Variants in TTC4 observed in about 807,000 individuals in gnomAD.
TTC4 encodes tetratricopeptide repeat domain 4.
Under a neutral mutation model 51.9 loss-of-function variants are expected in TTC4, and 36 were observed. That is an observed-to-expected ratio of 0.69 (90% confidence interval 0.53 to 0.92). TTC4 has a LOEUF of 0.92. Ranked by LOEUF, TTC4 falls within the 40% of genes least tolerant of loss-of-function variation. TTC4 has a pLI of 0.00. For missense variants in TTC4, 399 were observed against 454.6 expected, an observed-to-expected ratio of 0.88 and a Z score of 1.11; for synonymous variants, 144 against 164.2, an observed-to-expected ratio of 0.88 and a Z score of 0.94.
intron 5 of TTC4, 44 bp from the exon 6 acceptor site, chr1:54,728,302 G>GAA (rs1172240944): frequency 6.4e-7 from 1 of 1,568,370 alleles, no homozygotes; most frequent in Admixed American, 1.7e-5. Flanking sequence ...AATAGAAGAG[G>GAA]AAGCCAGGTC....
intron 3 of TTC4, among the ~76,000 whole-genome samples, chr1:54,720,850 C>G (rs996359818): frequency 6.6e-6 from 1 of 151,804 alleles, no homozygotes; most frequent in African/African-American, 2.4e-5. Context: ...CTGAGAGTAC[C>G]CCTTTTCCAT....
chr1:54,732,459 A>ATT lies in TTC4; in HGVS notation c.896+774_896+775dup, dbSNP rs553266972. 1.5e-3 allele frequency among the ~76,000 whole-genome samples: 206 copies of ATT among 139,872 alleles called. 2 individuals are homozygous for ATT. The highest frequency in any genetic ancestry group is 4.7e-3 in the African/African-American group (180 of 38,290). 91.8% of individuals were successfully genotyped at this position (139,872 alleles called of 152,430 possible). Reference sequence around the variant, plus strand: ...AGAGTGTAAGAAAAGTTTTTTTGTAATTTTTTTTTTTTTTTTGGAGACCAA... The same window carrying ATT: ...AGAGTGTAAGAAAAGTTTTTTTGTAATTTTTTTTTTTTTTTTTTGGAGACCAA... On this transcript the variant is annotated intron_variant, in intron 7 of 9. Transcript: ENST00000371281.
chr1:54,739,449 C>A (rs1005524607), intron 9 of TTC4, among the ~76,000 whole-genome samples: 2 of 152,252 alleles, frequency 1.3e-5, no homozygotes, highest in African/African-American at 4.8e-5. Flanking sequence ...CATGCCTACA[C>A]ATTTCTCAAG....
rs924213961 is a variant in TTC4 at position 54,728,510 on chromosome 1, G to T, written c.681+78G>T. On this transcript the variant is annotated intron_variant, in intron 6 of 9. Coordinates refer to ENST00000371281, the MANE Select transcript of TTC4 (RefSeq NM_004623.5). ...TGAAGCTTGTTGGGAACCTTTCTTGGGATGCTTTACCTGAAGGAATTTGTT... is the reference window on the plus strand; with the variant it reads ...TGAAGCTTGTTGGGAACCTTTCTTGTGATGCTTTACCTGAAGGAATTTGTT... 1.0e-4 allele frequency: 143 copies of T among 1,377,474 alleles called. 1 individual carries two copies. Among genetic ancestry groups the T allele is most frequent in the Non-Finnish European group, 5.0e-6 (5 of 996,178 alleles). 85.3% of individuals were successfully genotyped at this position (1,377,474 alleles called of 1,614,324 possible). A position where few individuals can be genotyped will look rare whatever the true frequency, so the allele number is the denominator to read the frequency against.
chr1:54,723,193 C>G (rs2101312823), intron 5 of TTC4, among the ~76,000 whole-genome samples: 1 of 152,292 alleles, frequency 6.6e-6, no homozygotes, highest in East Asian at 1.9e-4. Flanking sequence ...ATGTGCTTTA[C>G]AGGTTTGTAG....
intron 3 of TTC4, among the ~76,000 whole-genome samples, chr1:54,719,010 C>T (rs1645710230): frequency 6.6e-6 from 1 of 152,036 alleles, no homozygotes; most frequent in Admixed American, 6.6e-5. Flanking sequence ...GAAATCCTGG[C>T]TGCTGGTACT....
Position 54,731,505 on chromosome 1 carries a change from C to T in TTC4, c.701C>T (p.Ser234Leu). The change falls in exon 7 of 10, where the codon TCA becomes TTA. Residue 234 changes from serine (S) to leucine (L), a missense_variant. Ser to Leu is a moderately radical substitution (Grantham distance 145). Around this residue, in one of 3 missense-constraint regions of TTC4, gnomAD observed 316 missense variants for 349.6 expected, o/e 0.90. Coordinates refer to ENST00000371281, the MANE Select transcript of TTC4 (RefSeq NM_004623.5). ...QAIKARNIRL[S>L]EAACEDEDSA... ...ACCCAGGCTAGGAATATCAGGCTCT[C>T]AGAAGCTGCCTGTGAGGATGAAGAT... 1.9e-6 allele frequency: 3 copies of T among 1,613,890 alleles called. No individual in the cohort carries two copies. The highest frequency in any genetic ancestry group is 2.5e-6 in the Non-Finnish European group (3 of 1,179,864).
In TTC4 at chr1:54,716,696, G is replaced by T; in HGVS notation, c.208G>T (p.Asp70Tyr). Residue 70 changes from aspartate (D) to tyrosine (Y), a missense_variant, in exon 2 of 10, where the codon GAT (aspartate) becomes TAT (tyrosine). Asp to Tyr is a radical substitution (Grantham distance 160). Around this residue, in one of 3 missense-constraint regions of TTC4, gnomAD observed 316 missense variants for 349.6 expected, o/e 0.90. Transcript: ENST00000371281. ...DLACLQSIIF[D>Y]EERSPEEQAK... is the part of the protein sequence containing the mutation. Reference sequence around the variant, plus strand: ...GGCTTGTCTCCAGTCAATTATTTTTGATGAGGAGCGTTCTCCAGAAGGTAT... The same window carrying T: ...GGCTTGTCTCCAGTCAATTATTTTTTATGAGGAGCGTTCTCCAGAAGGTAT... 1 of 1,612,404 alleles carries T rather than the reference G, an allele frequency of 6.2e-7. No homozygotes were observed. Among genetic ancestry groups the T allele is most frequent in the South Asian group, 1.1e-5 (1 of 90,728 alleles).
intron 5 of TTC4, 32 bp downstream of exon 5, chr1:54,722,831 G>T (rs746833459): frequency 6.4e-7 from 1 of 1,564,156 alleles, no homozygotes; most frequent in Non-Finnish European, 8.6e-7. Flanking sequence ...ATTAGCATTT[G>T]CTAATTAGCA....
chr1:54,740,328 G>C (rs1051645335), intron 9 of TTC4, among the ~76,000 whole-genome samples: 14 of 152,200 alleles, frequency 9.2e-5, no homozygotes, highest in African/African-American at 3.4e-4. Context: ...TGTCCAGCTA[G>C]TCTTAATGCT....
At chr1:54,736,485 C>T (rs1407142737) in intron 8 of TTC4, among the ~76,000 whole-genome samples, 2 of 152,064 alleles carry the variant, frequency 1.3e-5, no homozygotes, top group Non-Finnish European at 2.9e-5. Context: ...ATCCTCCCAC[C>T]TCAGTCTCCC....
rs1557752930 is a variant in TTC4 at position 54,736,220 on chromosome 1, GAGAAGAGGAGAGGAGAGAGA to G, written c.979-1358_979-1339del. Reference sequence around the variant, plus strand: ...AGAGAGAGAGAGAGAGAGAGAGAGAGAGAAGAGGAGAGGAGAGAGAAGAGAGGAGAGAGGAGAGAGAGAGA... The same window carrying G: ...AGAGAGAGAGAGAGAGAGAGAGAGAGAGAGAGGAGAGAGGAGAGAGAGAGA... On this transcript the variant is annotated intron_variant, in intron 8 of 9. Transcript: ENST00000371281. Among the ~76,000 whole-genome samples the G allele has an allele frequency of 2.5e-3, 312 of 124,006 alleles. 10 individuals are homozygous for G. The highest frequency in any genetic ancestry group is 5.1e-3 in the South Asian group (17 of 3,350). 81.4% of individuals were successfully genotyped at this position (124,006 alleles called of 152,430 possible).
At chr1:54,725,513 G>C (rs1645788845) in intron 5 of TTC4, among the ~76,000 whole-genome samples, 1 of 152,206 alleles carries the variant, frequency 6.6e-6, no homozygotes, top group South Asian at 2.1e-4. Context: ...CTGCAAGAAG[G>C]AAGTGAAGGC....
chr1:54,741,155 C>T (rs1307134257), intron 9 of TTC4, among the ~76,000 whole-genome samples: 1 of 152,174 alleles, frequency 6.6e-6, no homozygotes, highest in Non-Finnish European at 1.5e-5. Flanking sequence ...TAAAACCATG[C>T]TTTATATTTT....
At chr1:54,737,763 T>C in intron 9 of TTC4, 99 bp downstream of exon 9, 1 of 1,254,688 alleles carries the variant, frequency 8.0e-7, no homozygotes, top group Non-Finnish European at 1.1e-6. Flanking sequence ...CTGGTCAGTT[T>C]ATAAAGAAAA....
At chr1:54,728,214 C>A in intron 5 of TTC4, 132 bp from the exon 6 acceptor site, 1 of 682,818 alleles carries the variant, frequency 1.5e-6, no homozygotes, top group Non-Finnish European at 2.4e-6. Flanking sequence ...TGAACTGAAT[C>A]TGGCCACTGG....
At chr1:54,740,252 G>A (rs1645996667) in intron 9 of TTC4, among the ~76,000 whole-genome samples, 1 of 152,184 alleles carries the variant, frequency 6.6e-6, no homozygotes, top group African/African-American at 2.4e-5. Flanking sequence ...GTAGGAGGAG[G>A]TGGATTAGAG....
intron 9 of TTC4, among the ~76,000 whole-genome samples, chr1:54,738,703 G>A (rs1255707410): frequency 6.7e-6 from 1 of 148,762 alleles, no homozygotes; most frequent in Non-Finnish European, 1.5e-5. Context: ...TGTCACCCAG[G>A]CTGGAGTGCA....
intron 1 of TTC4, chr1:54,716,249 G>C (rs1294886942): frequency 5.4e-6 from 3 of 559,532 alleles, no homozygotes; most frequent in African/African-American, 1.9e-5. Flanking sequence ...GCTCTGATAT[G>C]AGTCAGTTAC....
Sources: allele counts gnomAD v4.1 joint callset (sites outside exome capture counted in the v4.1 genomes callset), GRCh38; gene constraint gnomAD v4.1.1; regional missense constraint gnomAD v4.1.1; transcripts MANE v1.5; gene names NCBI Gene and HGNC (gene_info 2026-07-23, HGNC 2026-07-21).